The following PELI2 variants were observed in gnomAD, a reference collection of about 807,000 sequenced individuals.
PELI2 encodes E3 ubiquitin-protein ligase pellino homolog 2.
In PELI2, 23 loss-of-function variants were observed where a neutral mutation model predicts 42.3. That is an observed-to-expected ratio of 0.54 (90% CI 0.39 to 0.77). The LOEUF is 0.77. PELI2 is among the 30% of genes least tolerant of loss of function. The probability of loss-of-function intolerance (pLI) is 0.00; values close to 1 mark genes in which losing one functional copy is unlikely to be tolerated. For synonymous variants in PELI2, 245 were observed against 212.2 expected, an observed-to-expected ratio of 1.15 and a Z score of -1.34; for missense variants, 463 against 553.2, an observed-to-expected ratio of 0.84 and a Z score of 1.64.
rs1483150041 is a variant in PELI2 at position 56,205,044 on chromosome 14, A to AG, written c.207+26580_207+26581insG. ...GACTCCCTGTCAAAAAAAAAAAAAAAAAAGAAAGAAAGTGCTTTAAAACCA... is the reference window on the plus strand; with the variant it reads ...GACTCCCTGTCAAAAAAAAAAAAAAAGAAAGAAAGAAAGTGCTTTAAAACCA... On this transcript the variant is annotated intron_variant, in intron 2 of 5. Transcript: ENST00000267460. Among the ~76,000 whole-genome samples, 35 of 151,776 alleles carry AG rather than the reference A, an allele frequency of 2.3e-4. No individual in the cohort carries two copies. The East Asian group carries it at 3.5e-3, about 15-fold the overall frequency.
intron 1 of PELI2, 55 bp from the exon 2 acceptor site, chr14:56,178,280 T>G: frequency 6.3e-7 from 1 of 1,588,562 alleles, no homozygotes; most frequent in African/African-American, 1.3e-5. Context: ...CTAACTTTTA[T>G]GTTTAAAGCT....
intron 1 of PELI2, among the ~76,000 whole-genome samples, chr14:56,173,679 G>A (rs2139659801): frequency 6.6e-6 from 1 of 152,204 alleles, no homozygotes; most frequent in Non-Finnish European, 1.5e-5. Context: ...CAGCTTCTGG[G>A]GCTCCAAATG....
intron 2 of PELI2, among the ~76,000 whole-genome samples, chr14:56,235,665 A>G (rs1419635053): frequency 3.3e-5 from 5 of 152,254 alleles, no homozygotes; most frequent in Non-Finnish European, 7.3e-5. Flanking sequence ...ACTTGTTTGT[A>G]GAACATGGTG....
At chr14:56,144,089 GC>G (rs1271858385) in intron 1 of PELI2, among the ~76,000 whole-genome samples, 1 of 151,964 alleles carries the variant, frequency 6.6e-6, no homozygotes, top group East Asian at 1.9e-4. Context: ...CTGTACTACC[GC>G]TGATTCCAGT....
intron 1 of PELI2, among the ~76,000 whole-genome samples, chr14:56,171,250 G>T (rs1359416876): frequency 6.6e-6 from 1 of 152,154 alleles, no homozygotes; most frequent in Non-Finnish European, 1.5e-5. Flanking sequence ...CTCCACCCTT[G>T]TAAATGATTA....
intron 2 of PELI2, among the ~76,000 whole-genome samples, chr14:56,237,525 A>T (rs1887840494): frequency 6.6e-6 from 1 of 151,904 alleles, no homozygotes; most frequent in African/African-American, 2.4e-5. Context: ...AACACAGATG[A>T]ATCTCCCTTT....
chr14:56,191,023 T>C (rs1885933240), intron 2 of PELI2, among the ~76,000 whole-genome samples: 1 of 152,226 alleles, frequency 6.6e-6, no homozygotes, highest in South Asian at 2.1e-4. Flanking sequence ...CTCTGGATTT[T>C]ATTCTGAAAG....
intron 2 of PELI2, among the ~76,000 whole-genome samples, chr14:56,258,519 A>G (rs1310570144): frequency 1.3e-5 from 2 of 152,126 alleles, no homozygotes; most frequent in Non-Finnish European, 2.9e-5. Flanking sequence ...TGAGAAGAAC[A>G]ATGTCAGAAA....
intron 2 of PELI2, among the ~76,000 whole-genome samples, chr14:56,253,105 T>C (rs534106824): frequency 6.6e-6 from 1 of 152,288 alleles, no homozygotes; most frequent in East Asian, 1.9e-4. Context: ...AAAAACCACA[T>C]GATTGTCTCC....
rs571527726 is a variant in PELI2, at chr14:56,258,841, A to G, written c.208-20835A>G. On this transcript the variant is annotated intron_variant, in intron 2 of 5. Transcript: ENST00000267460. ...TTTTTCAAATATGATGAAAATGATAAAAGTCTAGAACCAAGAAGCTCAGTG... is the reference window on the plus strand; with the variant it reads ...TTTTTCAAATATGATGAAAATGATAGAAGTCTAGAACCAAGAAGCTCAGTG... 9.2e-5 allele frequency among the ~76,000 whole-genome samples: 14 copies of G among 152,234 alleles called. No individual in the cohort carries two copies. The South Asian group carries it at 1.2e-3, about 14-fold the overall frequency.
intron 2 of PELI2, among the ~76,000 whole-genome samples, chr14:56,205,989 G>T (rs1886505633): frequency 8.0e-6 from 1 of 125,072 alleles, no homozygotes; most frequent in African/African-American, 2.6e-5. Context: ...TGCATGAAAA[G>T]AACTACAGAT....
At chr14:56,178,816 T>G (rs970075659) in intron 2 of PELI2, among the ~76,000 whole-genome samples, 28 of 152,358 alleles carry the variant, frequency 1.8e-4, no homozygotes, top group African/African-American at 6.7e-4. Flanking sequence ...AGCTAGCATT[T>G]ATTGATTTGG....
chr14:56,244,725 T>C (rs901834786), intron 2 of PELI2, among the ~76,000 whole-genome samples: 8 of 152,146 alleles, frequency 5.3e-5, no homozygotes, highest in African/African-American at 1.9e-4. Flanking sequence ...CTTTTCTCCA[T>C]TGAGTTGTGC....
At chr14:56,174,528 TGGCAGGA>T (rs969706815) in intron 1 of PELI2, among the ~76,000 whole-genome samples, 2 of 152,180 alleles carry the variant, frequency 1.3e-5, no homozygotes, top group Non-Finnish European at 2.9e-5. Flanking sequence ...AGGAGGGGCC[TGGCAGGA>T]GGCGATTGGA....
intron 1 of PELI2, among the ~76,000 whole-genome samples, chr14:56,123,821 G>A (rs761189911): frequency 8.5e-5 from 13 of 152,160 alleles, no homozygotes; most frequent in Admixed American, 2.6e-4. Context: ...AAACAAAATA[G>A]CCGTTGCTAT....
intron 1 of PELI2, among the ~76,000 whole-genome samples, chr14:56,176,856 A>G (rs1309780484): frequency 1.3e-5 from 2 of 152,346 alleles, no homozygotes; most frequent in Non-Finnish European, 2.9e-5. Context: ...GTTGTTTACA[A>G]TCCTGGCTGT....
chr14:56,280,855 G>A (rs554312671), intron 3 of PELI2, among the ~76,000 whole-genome samples: 1 of 152,166 alleles, frequency 6.6e-6, no homozygotes, highest in Non-Finnish European at 1.5e-5. Flanking sequence ...GATACCTACT[G>A]TACAGTAATC....
intron 1 of PELI2, among the ~76,000 whole-genome samples, chr14:56,138,448 G>A (rs1172240365): frequency 6.6e-6 from 1 of 150,966 alleles, no homozygotes; most frequent in Non-Finnish European, 1.5e-5. Context: ...CAAAGTACAG[G>A]TGATTCTGTG....
At chr14:56,206,982 G>T (rs1446094068) in intron 2 of PELI2, among the ~76,000 whole-genome samples, 1 of 152,132 alleles carries the variant, frequency 6.6e-6, no homozygotes, top group African/African-American at 2.4e-5. Flanking sequence ...TCAAATAAAG[G>T]TTCTTAGTTT....
Sources: gnomAD v4.1 joint callset for allele counts (sites outside exome capture counted in the v4.1 genomes callset) on GRCh38, gnomAD v4.1.1 for gene constraint, MANE v1.5 for transcripts, NCBI Gene and HGNC (gene_info 2026-07-23, HGNC 2026-07-21) for gene names.